DGKG: variants seen among roughly 807,000 people sequenced by gnomAD.
DGKG encodes the protein diacylglycerol kinase gamma.
Under a neutral mutation model 105.3 loss-of-function variants are expected in DGKG, and 78 were observed. That is an observed-to-expected ratio of 0.74 (90% CI 0.62 to 0.89). DGKG has a LOEUF of 0.89. Ranked by LOEUF, DGKG falls within the 40% of genes least tolerant of loss-of-function variation. The pLI is 0.00. For synonymous variants in DGKG, 346 were observed against 367.1 expected (o/e 0.94, Z 0.66); for missense variants, 958 against 1,020.1 (o/e 0.94, Z 0.83).
At chr3:186,282,462 T>A (rs1236877126) in intron 7 of DGKG, among the ~76,000 whole-genome samples, 1 of 152,208 alleles carries the variant, frequency 6.6e-6, no homozygotes, top group Non-Finnish European at 1.5e-5. Flanking sequence ...CTACCTGCAA[T>A]GATTCTACCC....
At chr3:186,302,510 ATGTGTATATATATATATATATACATATG>A (rs1724004296) in intron 3 of DGKG, among the ~76,000 whole-genome samples, 1 of 19,916 alleles carries the variant, frequency 5.0e-5, no homozygotes, top group Non-Finnish European at 8.4e-5. Flanking sequence ...ATATATACAT[ATGTGTATATATATATATATATACATATG>A]TATATATATA....
intron 20 of DGKG, among the ~76,000 whole-genome samples, chr3:186,215,431 A>AAG (rs1381143355): frequency 6.6e-6 from 1 of 151,624 alleles, no homozygotes; most frequent in Non-Finnish European, 1.5e-5. Context: ...AAAAAAAAAA[A>AAG]AATTCTATAG....
chr3:186,211,844 T>C lies in DGKG; in HGVS notation c.1868A>G (p.Glu623Gly). The C allele has an allele frequency of 1.2e-6, 2 of 1,614,192 alleles. No individual in the cohort carries two copies. Among genetic ancestry groups the C allele is most frequent in the East Asian group, 2.2e-5 (1 of 44,888 alleles). Residue 623 changes from glutamate (E) to glycine (G), a missense_variant, in exon 21 of 25, where the codon GAG (glutamate) becomes GGG (glycine). Physicochemically the swap from Glu to Gly is moderately conservative, Grantham distance 98. Around this residue, in one of 2 missense-constraint regions of DGKG, gnomAD observed 315 missense variants for 400.6 expected, o/e 0.79. Coordinates refer to ENST00000265022, the MANE Select transcript of DGKG (RefSeq NM_001346.3). ...KLWYFEFGTS[E>G]TFAATCKKLH... ...TTTCTTGCAGGTCGCTGCAAAAGTCTCCGAGGTGCCAAATTCAAAGTACCA... is the reference window on the plus strand; with the variant it reads ...TTTCTTGCAGGTCGCTGCAAAAGTCCCCGAGGTGCCAAATTCAAAGTACCA...
chr3:186,298,777 T>G (rs768200877), intron 3 of DGKG, among the ~76,000 whole-genome samples: 13 of 152,198 alleles, frequency 8.5e-5, no homozygotes, highest in Non-Finnish European at 1.6e-4. Context: ...TCTCAGAAAG[T>G]AGGAAAGACC....
chr3:186,159,902 AG>A (rs1051568198), intron 24 of DGKG: 2 of 152,304 alleles, frequency 1.3e-5, no homozygotes, highest in African/African-American at 4.8e-5. Context: ...AGAAGAGAAA[AG>A]AGTGTACAAA....
rs1014061703 is a variant in DGKG at position 186,284,200 on chromosome 3, A to G, written c.594+460T>C. On this transcript the variant is annotated intron_variant, in intron 7 of 24. Transcript: ENST00000265022. The surrounding 1 kb of genome is among the most constrained non-coding windows in gnomAD (Gnocchi z 4.0). ...GTGACGGCAAAGCACATCAGCAGTG[A>G]CCAGCAGCCTCCTTCCTCTGAAATC... is the stretch of plus-strand genomic sequence containing the variant. Among the ~76,000 whole-genome samples, 2 of 152,062 alleles carry G rather than the reference A, an allele frequency of 1.3e-5. No homozygotes were observed. The highest frequency in any genetic ancestry group is 2.4e-5 in the African/African-American group (1 of 41,372).
chr3:186,158,331 T>C (rs1460066312), intron 24 of DGKG: 2 of 937,102 alleles, frequency 2.1e-6, no homozygotes, highest in South Asian at 9.9e-5. Flanking sequence ...GTTTAGGCTA[T>C]ATTCTATAAT....
intron 20 of DGKG, among the ~76,000 whole-genome samples, chr3:186,225,258 C>T (rs1249578743): frequency 2.6e-5 from 4 of 151,876 alleles, no homozygotes; most frequent in Admixed American, 6.6e-5. Context: ...TGAGCCATTG[C>T]GCCTGGCCCT....
chr3:186,299,538 A>T (rs1723768266), intron 3 of DGKG, among the ~76,000 whole-genome samples: 1 of 152,130 alleles, frequency 6.6e-6, no homozygotes, highest in South Asian at 2.1e-4. Context: ...AGATTAGGGG[A>T]ACTCCAAGCA....
intron 24 of DGKG, among the ~76,000 whole-genome samples, chr3:186,153,328 C>A (rs936571355): frequency 6.6e-6 from 1 of 152,110 alleles, no homozygotes. Flanking sequence ...GTGGCTAAGC[C>A]TGCCTTTTCA....
chr3:186,176,176 C>G (rs1242918487), intron 22 of DGKG, among the ~76,000 whole-genome samples: 1 of 152,096 alleles, frequency 6.6e-6, no homozygotes, highest in Non-Finnish European at 1.5e-5. Flanking sequence ...TTCTTTGGCT[C>G]GAAGGTAAAA....
chr3:186,173,165 C>T (rs1050915135), intron 22 of DGKG, among the ~76,000 whole-genome samples: 1 of 152,200 alleles, frequency 6.6e-6, no homozygotes, highest in African/African-American at 2.4e-5. Context: ...ACTTGATCAC[C>T]TCATTAAGGC....
intron 22 of DGKG, among the ~76,000 whole-genome samples, chr3:186,168,260 C>G: frequency 6.6e-6 from 1 of 152,178 alleles, no homozygotes; most frequent in East Asian, 1.9e-4. Flanking sequence ...GTCTCTGGGC[C>G]AGCATGAGCT....
At chr3:186,206,320 G>T (rs947659964) in intron 21 of DGKG, among the ~76,000 whole-genome samples, 1 of 151,854 alleles carries the variant, frequency 6.6e-6, no homozygotes, top group African/African-American at 2.4e-5. Flanking sequence ...GGAGGCGGAG[G>T]TTGCAGTAAG....
chr3:186,199,764 C>A (rs1316360321), intron 21 of DGKG, among the ~76,000 whole-genome samples: 2 of 152,184 alleles, frequency 1.3e-5, no homozygotes, highest in Non-Finnish European at 2.9e-5. Flanking sequence ...CGGCCTGCCT[C>A]AGCCTCCCAC....
At chr3:186,273,542 T>C (rs369933770) in intron 10 of DGKG, among the ~76,000 whole-genome samples, 1 of 151,868 alleles carries the variant, frequency 6.6e-6, no homozygotes, top group Non-Finnish European at 1.5e-5. Context: ...GCCCAGCTAA[T>C]TTTTGTATTT....
intron 21 of DGKG, among the ~76,000 whole-genome samples, chr3:186,194,410 T>G (rs1578648142): frequency 6.6e-6 from 1 of 152,230 alleles, no homozygotes; most frequent in East Asian, 1.9e-4. Context: ...CCTTCTCTCC[T>G]GCGCCGTGAC....
At chr3:186,150,442 C>T (rs969182560) in intron 24 of DGKG, among the ~76,000 whole-genome samples, 1 of 152,144 alleles carries the variant, frequency 6.6e-6, no homozygotes, top group Non-Finnish European at 1.5e-5. Context: ...CAGCTCACAC[C>T]TGTCTTGTGT....
chr3:186,191,431 T>C (rs767217305), intron 21 of DGKG, among the ~76,000 whole-genome samples: 10 of 152,242 alleles, frequency 6.6e-5, no homozygotes, highest in Non-Finnish European at 1.3e-4. Flanking sequence ...CTCTGTTTTC[T>C]GGATTTGTCA....
Sources: allele counts gnomAD v4.1 joint callset (sites outside exome capture counted in the v4.1 genomes callset), GRCh38; gene constraint gnomAD v4.1.1; regional missense constraint gnomAD v4.1.1; non-coding constraint Gnocchi (gnomAD v3.1); transcripts MANE v1.5; gene names NCBI Gene and HGNC (gene_info 2026-07-23, HGNC 2026-07-21).